ARHGAP8: variants seen among roughly 807,000 people sequenced by gnomAD.
ARHGAP8 encodes Rho GTPase activating protein 8, also known as rho GTPase-activating protein 8.
In ARHGAP8, 62 loss-of-function variants were observed where a neutral mutation model predicts 46.1. That is an observed-to-expected ratio of 1.34 (90% CI 1.10 to 1.66). The LOEUF is 1.66. Among genes scored for constraint, ARHGAP8 ranks in the 40% most tolerant of loss-of-function variants. The pLI is 0.00. For synonymous variants in ARHGAP8, 375 were observed against 243.1 expected (o/e 1.54, Z -5.05); for missense variants, 923 against 568.4 (o/e 1.62, Z -6.34).
chr22:44,862,611 G>A lies in ARHGAP8; in HGVS notation c.*16G>A, dbSNP rs752418576. 27 of 1,403,374 alleles carry A rather than the reference G, an allele frequency of 1.9e-5. No homozygotes were observed. Among genetic ancestry groups the A allele is most frequent in the Non-Finnish European group, 2.2e-5 (23 of 1,052,416 alleles). 86.9% of individuals were successfully genotyped at this position (1,403,374 alleles called of 1,614,324 possible). On this transcript the variant is annotated 3_prime_UTR_variant, in exon 12 of 12. Transcript: ENST00000356099. Reference sequence around the variant, plus strand: ...ACGTCTCTAGTGTTGCGAACACTCTGTATATTTCGAGCTACCTCCCACACC... The same window carrying A: ...ACGTCTCTAGTGTTGCGAACACTCTATATATTTCGAGCTACCTCCCACACC...
At chr22:44,764,145 G>T (rs1925371131) in intron 1 of ARHGAP8, among the ~76,000 whole-genome samples, 1 of 152,128 alleles carries the variant, frequency 6.6e-6, no homozygotes, top group Non-Finnish European at 1.5e-5. Flanking sequence ...TCCACAGCTT[G>T]CAGAGTTGTA....
intron 1 of ARHGAP8, among the ~76,000 whole-genome samples, chr22:44,781,264 A>G (rs947832118): frequency 3.3e-5 from 5 of 152,174 alleles, no homozygotes; most frequent in African/African-American, 1.2e-4. Context: ...TGCTTCCAAG[A>G]ACTCATGATT....
chr22:44,846,773 A>G lies in ARHGAP8; in HGVS notation c.671-1200A>G, dbSNP rs369211881. 2.6e-4 allele frequency among the ~76,000 whole-genome samples: 39 copies of G among 152,042 alleles called. No homozygotes were observed. In the East Asian group the frequency reaches 7.2e-3, roughly 28 times the overall value. On this transcript the variant is annotated intron_variant, in intron 8 of 11. Transcript: ENST00000356099. ...CTCGTGCCAGACTCTGGGGATATCAAAGTGAGCACACGGGATGGGGAAGCA... is the reference window on the plus strand; with the variant it reads ...CTCGTGCCAGACTCTGGGGATATCAGAGTGAGCACACGGGATGGGGAAGCA...
At chr22:44,816,675 T>G (rs1251665161) in intron 5 of ARHGAP8, among the ~76,000 whole-genome samples, 1 of 151,874 alleles carries the variant, frequency 6.6e-6, no homozygotes, top group Admixed American at 6.6e-5. Context: ...ATGTGTAGCA[T>G]GCGCCTGTGG....
At chr22:44,817,899 G>T (rs1012547322) in intron 5 of ARHGAP8, among the ~76,000 whole-genome samples, 4 of 152,170 alleles carry the variant, frequency 2.6e-5, no homozygotes, top group Non-Finnish European at 5.9e-5. Context: ...TGGATCACTT[G>T]AGCCCAGGAG....
chr22:44,816,825 G>A (rs1048917294), intron 5 of ARHGAP8, among the ~76,000 whole-genome samples: 231 of 117,608 alleles, frequency 2.0e-3, no homozygotes, highest in African/African-American at 6.6e-3. Flanking sequence ...AAAAAAAAAA[G>A]AACTGCCCTG....
At position 44,862,459 on chromosome 22, in the gene ARHGAP8, A is replaced by T; in HGVS notation, c.1166A>T (p.Glu389Val). ...TTCAGCACCCCGGAGGCACCTGGGG[A>T]GCACGGCCTGGCACCATGGGAACAG... ...KIFSTPEAPGEHGLAPWEQGS... is the reference protein window; with the variant it reads ...KIFSTPEAPGVHGLAPWEQGS... Residue 389 changes from glutamate (E) to valine (V), a missense_variant, in exon 12 of 12, where the codon GAG (glutamate) becomes GTG (valine). Glu to Val is a moderately radical substitution (Grantham distance 121). Coordinates refer to ENST00000356099, the MANE Select transcript of ARHGAP8 (RefSeq NM_181335.3). 1 of 1,613,968 alleles carries T rather than the reference A, an allele frequency of 6.2e-7. No homozygotes were observed. Among genetic ancestry groups the T allele is most frequent in the East Asian group, 2.2e-5 (1 of 44,858 alleles).
At chr22:44,802,314 T>A (rs1164680749) in intron 3 of ARHGAP8, 150 bp downstream of exon 3, 3 of 979,652 alleles carry the variant, frequency 3.1e-6, no homozygotes, top group African/African-American at 3.3e-5. Flanking sequence ...CTCATGAGCC[T>A]ACCCGAGGGC....
At chr22:44,831,267 A>G (rs1273298802) in intron 7 of ARHGAP8, among the ~76,000 whole-genome samples, 4 of 152,170 alleles carry the variant, frequency 2.6e-5, no homozygotes, top group African/African-American at 4.8e-5. Context: ...ATTCATGCCT[A>G]TGTTTTCTTC....
chr22:44,825,675 C>A, intron 7 of ARHGAP8, 82 bp downstream of exon 7: 1 of 1,461,650 alleles, frequency 6.8e-7, no homozygotes, highest in Non-Finnish European at 9.2e-7. Flanking sequence ...GAAATATTTT[C>A]CCCAGACGTT....
At chr22:44,827,135 A>C (rs1930577371) in intron 7 of ARHGAP8, among the ~76,000 whole-genome samples, 1 of 152,034 alleles carries the variant, frequency 6.6e-6, no homozygotes, top group African/African-American at 2.4e-5. Context: ...GGAGGGTCAG[A>C]GTCAGAGAGG....
chr22:44,803,706 C>T (rs1928732379), intron 3 of ARHGAP8, among the ~76,000 whole-genome samples: 1 of 106,972 alleles, frequency 9.3e-6, no homozygotes, highest in Non-Finnish European at 2.0e-5. Context: ...CAGGAACACA[C>T]CCCCCCATGC....
intron 3 of ARHGAP8, 138 bp downstream of exon 3, chr22:44,802,302 C>G: frequency 1.8e-6 from 2 of 1,105,774 alleles, no homozygotes; most frequent in East Asian, 5.2e-5. Flanking sequence ...AGAGCTCTTG[C>G]ACTCATGAGC....
chr22:44,802,667 A>ATG (rs1928640551), intron 3 of ARHGAP8, among the ~76,000 whole-genome samples: 1 of 151,902 alleles, frequency 6.6e-6, no homozygotes, highest in Non-Finnish European at 1.5e-5. Context: ...CCAGTCCCCA[A>ATG]GGTCAAGGCA....
intron 1 of ARHGAP8, chr22:44,786,172 ATGGGTGCTCGGCTGAGGTAGGGCGTATAG>A (rs1324796013): frequency 7.6e-6 from 4 of 525,552 alleles, no homozygotes; most frequent in Non-Finnish European, 1.4e-5. Context: ...CGAGTGCATA[ATGGGTGCTCGGCTGAGGTAGGGCGTATAG>A]TGGGTGCTCG....
At chr22:44,812,078 C>T (rs944121038) in intron 4 of ARHGAP8, among the ~76,000 whole-genome samples, 3 of 151,892 alleles carry the variant, frequency 2.0e-5, no homozygotes, top group African/African-American at 7.3e-5. Context: ...GCATTCTTTT[C>T]TGTTCTCTCT....
chr22:44,762,090 T>C (rs185297116), intron 1 of ARHGAP8, among the ~76,000 whole-genome samples: 5 of 152,314 alleles, frequency 3.3e-5, no homozygotes, highest in Admixed American at 3.3e-4. Flanking sequence ...GAGAATTGTC[T>C]TAACAGAGAT....
At chr22:44,806,515 A>C (rs1928930589) in intron 3 of ARHGAP8, among the ~76,000 whole-genome samples, 2 of 152,068 alleles carry the variant, frequency 1.3e-5, no homozygotes, top group Non-Finnish European at 1.5e-5. Context: ...TTACTGATTC[A>C]CCTCTGTGAG....
intron 1 of ARHGAP8, among the ~76,000 whole-genome samples, chr22:44,761,031 T>C (rs530115371): frequency 1.4e-3 from 207 of 152,298 alleles, no homozygotes; most frequent in African/African-American, 4.8e-3. Flanking sequence ...CCACTTGTAA[T>C]GTCTGGTTTA....
Sources: allele counts gnomAD v4.1 joint callset (sites outside exome capture counted in the v4.1 genomes callset), GRCh38; gene constraint gnomAD v4.1.1; transcripts MANE v1.5; gene names NCBI Gene and HGNC (gene_info 2026-07-23, HGNC 2026-07-21).